Variants in CTH observed in about 807,000 individuals in gnomAD.
CTH encodes cystathionase (cystathionine gamma-lyase).
Under a neutral mutation model 50.6 loss-of-function variants are expected in CTH, and 41 were observed. The observed-to-expected ratio is 0.81, with a 90% CI of 0.63 to 1.05. The LOEUF (loss-of-function observed/expected upper bound fraction) is 1.05, where lower values mean the gene tolerates loss of function less well. Among genes scored for constraint, CTH ranks in the 50% least tolerant of loss-of-function variants. The pLI is 0.00. For missense variants in CTH, 470 were observed against 492.6 expected, an observed-to-expected ratio of 0.95 and a Z score of 0.43; for synonymous variants, 156 against 168.9, an observed-to-expected ratio of 0.92 and a Z score of 0.59.
At chr1:70,420,831 T>C (rs1684203908) in intron 3 of CTH, among the ~76,000 whole-genome samples, 1 of 152,170 alleles carries the variant, frequency 6.6e-6, no homozygotes, top group South Asian at 2.1e-4. Context: ...TGAAAATTGT[T>C]GATTTTAAAG....
At chr1:70,420,553 T>C (rs912738467) in intron 3 of CTH, among the ~76,000 whole-genome samples, 15 of 152,088 alleles carry the variant, frequency 9.9e-5, no homozygotes, top group African/African-American at 3.6e-4. Context: ...TCATATTGCT[T>C]ACCCGCTGCT....
At chr1:70,421,507 G>T in intron 3 of CTH, 59 bp from the exon 4 acceptor site, 4 of 1,536,918 alleles carry the variant, frequency 2.6e-6, no homozygotes, top group South Asian at 1.1e-5. Flanking sequence ...TACATAGAAG[G>T]AATGAATGTT....
At chr1:70,420,061 C>T (rs566323689) in intron 3 of CTH, among the ~76,000 whole-genome samples, 171 of 149,482 alleles carry the variant, frequency 1.1e-3, no homozygotes, top group African/African-American at 4.0e-3. Context: ...GGCACGATCT[C>T]GGCTCACTGC....
rs547638593 is a variant in CTH at position 70,423,673 on chromosome 1, T to C, written c.457-612T>C. Among the ~76,000 whole-genome samples, 5 of 152,308 alleles carry C rather than the reference T, an allele frequency of 3.3e-5. No individual in the cohort carries two copies. The South Asian group carries it at 8.3e-4, about 25-fold the overall frequency. The stretch of plus-strand genomic sequence containing the variant: ...ATAACTATCAAGCATCTACCATGTG[T>C]CTGAATTGTGGTAGGTTTTGAGATA... On this transcript the variant is annotated intron_variant, in intron 4 of 11. Coordinates refer to ENST00000370938, the MANE Select transcript of CTH (RefSeq NM_001902.6).
intron 1 of CTH, among the ~76,000 whole-genome samples, chr1:70,412,432 C>A (rs1683987713): frequency 6.6e-6 from 1 of 152,124 alleles, no homozygotes; most frequent in Non-Finnish European, 1.5e-5. Context: ...ATGGTGAAAC[C>A]CCATCTCTAC....
intron 2 of CTH, among the ~76,000 whole-genome samples, chr1:70,417,719 A>G (rs1425180904): frequency 1.3e-5 from 2 of 152,236 alleles, no homozygotes; most frequent in Non-Finnish European, 2.9e-5. Context: ...TTGACTTAAC[A>G]CAAAAGTATC....
intron 6 of CTH, 148 bp downstream of exon 6, chr1:70,429,999 A>T: frequency 1.5e-6 from 1 of 671,408 alleles, no homozygotes; most frequent in Non-Finnish European, 2.6e-6. Flanking sequence ...GATTAAATGT[A>T]GGATTTCATT....
intron 5 of CTH, among the ~76,000 whole-genome samples, chr1:70,427,615 C>A (rs1684373511): frequency 6.6e-6 from 1 of 152,206 alleles, no homozygotes; most frequent in East Asian, 1.9e-4. Flanking sequence ...ATACTAATAT[C>A]TTCCAAAGAC....
chr1:70,435,253 G>A (rs1684573794), intron 10 of CTH, 76 bp downstream of exon 10: 2 of 1,326,948 alleles, frequency 1.5e-6, no homozygotes, highest in South Asian at 1.2e-5. Context: ...ATATGATAAG[G>A]TCAGGGATAA....
At chr1:70,416,197 A>G (rs1042415473) in intron 2 of CTH, among the ~76,000 whole-genome samples, 160 bp downstream of exon 2, 1 of 152,214 alleles carries the variant, frequency 6.6e-6, no homozygotes, top group African/African-American at 2.4e-5. Flanking sequence ...AGTTGGTATA[A>G]TATGCATATG....
chr1:70,421,752 A>G, intron 4 of CTH, 77 bp downstream of exon 4: 1 of 1,417,592 alleles, frequency 7.1e-7, no homozygotes, highest in Non-Finnish European at 9.9e-7. Flanking sequence ...ACTAGAGGAT[A>G]TAATTTAATG....
intron 4 of CTH, among the ~76,000 whole-genome samples, chr1:70,422,316 T>C (rs147502903): frequency 1.3e-4 from 20 of 152,312 alleles, no homozygotes; most frequent in African/African-American, 4.8e-4. Context: ...TCTGAGTGAA[T>C]GGCATATGTG....
intron 8 of CTH, among the ~76,000 whole-genome samples, chr1:70,433,404 G>T (rs1039261655): frequency 2.0e-5 from 3 of 152,188 alleles, no homozygotes; most frequent in Admixed American, 6.5e-5. Context: ...ATTTATTCAA[G>T]AAATTTTTAT....
At position 70,421,640 on chromosome 1, in the gene CTH, A is replaced by T; in HGVS notation, c.421A>T (p.Lys141Ter). The change falls in exon 4 of 12, where the codon AAA (lysine) becomes TAA (stop). Residue 141 changes from lysine (K) to a stop codon, truncating the protein, a stop_gained. Coordinates refer to ENST00000370938, the MANE Select transcript of CTH (RefSeq NM_001902.6). LOFTEE classifies it high-confidence loss of function. ...KISFVDCSKI[K>*]LLEAAITPET... is the part of the protein sequence containing the mutation. Reference sequence around the variant, plus strand: ...TTCTTTTGTTGATTGTTCCAAAATCAAATTACTAGAGGCAGCAATTACACC... The same window carrying T: ...TTCTTTTGTTGATTGTTCCAAAATCTAATTACTAGAGGCAGCAATTACACC... 6.2e-7 allele frequency: 1 copy of T among 1,613,998 alleles called. No individual in the cohort carries two copies. Among genetic ancestry groups the T allele is most frequent in the Non-Finnish European group, 8.5e-7 (1 of 1,179,926 alleles).
At position 70,433,984 on chromosome 1, in the gene CTH, G is replaced by A. The variant is rs759288955; in HGVS notation, c.999+35G>A. On this transcript the variant is annotated intron_variant, in intron 9 of 11. Transcript: ENST00000370938. ...CAAAATAGGTTTAAAATTGTAGGAGGTAAGGCCTTACAGCAGTTCACTATC... is the reference window on the plus strand; with the variant it reads ...CAAAATAGGTTTAAAATTGTAGGAGATAAGGCCTTACAGCAGTTCACTATC... 5 of 1,611,760 alleles carry A rather than the reference G, an allele frequency of 3.1e-6. No homozygotes were observed. In the South Asian group the frequency reaches 5.5e-5, roughly 18 times the overall value.
chr1:70,416,785 G>A (rs111585363), intron 2 of CTH, among the ~76,000 whole-genome samples: 6,085 of 151,692 alleles, frequency 0.04, 158 homozygotes, highest in South Asian at 0.12. Flanking sequence ...GGCTGGTCTC[G>A]ATCTCCTGAC....
intron 3 of CTH, 30 bp downstream of exon 3, chr1:70,418,062 A>T: frequency 1.2e-6 from 2 of 1,609,316 alleles, no homozygotes; most frequent in Non-Finnish European, 1.7e-6. Flanking sequence ...TATATTCTGT[A>T]AACTTGTATT....
chr1:70,438,568 G>T (rs1451274232), intron 10 of CTH, 120 bp from the exon 11 acceptor site: 3 of 1,023,804 alleles, frequency 2.9e-6, no homozygotes, highest in Admixed American at 1.8e-5. Context: ...AATTATAGGG[G>T]TATGCAAAAT....
chr1:70,432,740 A>G (rs966077348), intron 8 of CTH, among the ~76,000 whole-genome samples: 4 of 138,036 alleles, frequency 2.9e-5, no homozygotes, highest in Non-Finnish European at 4.5e-5. Flanking sequence ...CTGGAGTGCA[A>G]TGATGCAATT....
Sources: allele counts gnomAD v4.1 joint callset (sites outside exome capture counted in the v4.1 genomes callset), GRCh38; gene constraint gnomAD v4.1.1; transcripts MANE v1.5; gene names NCBI Gene and HGNC (gene_info 2026-07-23, HGNC 2026-07-21).